Variants in CSMD1 observed in about 807,000 individuals in gnomAD.
The protein encoded by CSMD1 is CUB and sushi domain-containing protein 1.
In CSMD1, 213 loss-of-function variants were observed where a neutral mutation model predicts 417.5. That is an observed-to-expected ratio of 0.51 (90% CI 0.46 to 0.57). The LOEUF (loss-of-function observed/expected upper bound fraction) is 0.57, where lower values mean the gene tolerates loss of function less well. CSMD1 is among the 20% of genes least tolerant of loss of function. CSMD1 has a pLI of 0.00. For synonymous variants in CSMD1, 2,862 were observed against 1,736.8 expected (o/e 1.65, Z -16.11); for missense variants, 6,923 against 4,529.7 (o/e 1.53, Z -15.17).
intron 3 of CSMD1, among the ~76,000 whole-genome samples, chr8:4,348,625 A>T (rs77921227): frequency 1.5e-4 from 1 of 6,862 alleles, no homozygotes; most frequent in African/African-American, 6.2e-4. Context: ...TGGGGGAGGG[A>T]GGGGAGAGGG....
At chr8:4,445,450 T>A (rs763517460) in intron 2 of CSMD1, among the ~76,000 whole-genome samples, 2 of 152,228 alleles carry the variant, frequency 1.3e-5, no homozygotes, top group Non-Finnish European at 2.9e-5. Flanking sequence ...TCAAAATTTA[T>A]ACCCTCCAGT....
chr8:3,049,199 C>G (rs748322077), intron 50 of CSMD1, among the ~76,000 whole-genome samples: 5 of 152,098 alleles, frequency 3.3e-5, no homozygotes, highest in South Asian at 2.1e-4. Flanking sequence ...TAAAAATACT[C>G]TTACCATTCA....
chr8:4,480,059 G>T (rs147604294), intron 2 of CSMD1, among the ~76,000 whole-genome samples: 1 of 151,900 alleles, frequency 6.6e-6, no homozygotes, highest in South Asian at 2.1e-4. Flanking sequence ...ATGTGGTCGT[G>T]AGTTCTGTTA....
chr8:4,964,775 G>T (rs968522380), intron 1 of CSMD1, among the ~76,000 whole-genome samples: 1 of 152,118 alleles, frequency 6.6e-6, no homozygotes, highest in Non-Finnish European at 1.5e-5. Context: ...AACTCATTTT[G>T]TGAATGAAAT....
intron 2 of CSMD1, among the ~76,000 whole-genome samples, chr8:4,496,012 T>C (rs1801959948): frequency 6.6e-6 from 1 of 152,182 alleles, no homozygotes; most frequent in South Asian, 2.1e-4. Context: ...GTGTAATTCC[T>C]ACAGAGATAC....
In CSMD1 at chr8:4,904,802, A is replaced by G. The variant is rs538782415; in HGVS notation, c.85+89530T>C. 2.6e-5 allele frequency among the ~76,000 whole-genome samples: 4 copies of G among 152,320 alleles called. No homozygotes were observed. In the East Asian group the frequency reaches 7.7e-4, roughly 29 times the overall value. ...AGCAGTTATTTTGGACAGTTATAAT[A>G]ACATGAAACAGAAAGTCTGGCATGA... On this transcript the variant is annotated intron_variant, in intron 1 of 69. Transcript: ENST00000635120.
At chr8:4,986,018 C>G (rs888779984) in intron 1 of CSMD1, among the ~76,000 whole-genome samples, 1 of 152,228 alleles carries the variant, frequency 6.6e-6, no homozygotes, top group Admixed American at 6.5e-5. Context: ...CGATCATACT[C>G]TGCAATGCTC....
At position 3,214,537 on chromosome 8, in the gene CSMD1, A is replaced by T. The variant is rs750883376; in HGVS notation, c.4827T>A (p.Asp1609Glu). 6.2e-7 allele frequency: 1 copy of T among 1,600,076 alleles called. No homozygotes were observed. ...GCACTTGGTCCCAGGAGGGTTTCCC[A>T]TCAGCCCCAATCACACAGGTGATGG... Reference protein sequence around the residue: ...PSSITCVIGADGKPSWDQVLP... With the variant: ...PSSITCVIGAEGKPSWDQVLP... Residue 1609 changes from aspartate (D) to glutamate (E), a missense_variant, in exon 30 of 70, where the codon GAT (aspartate) becomes GAA (glutamate). Transcript: ENST00000635120.
intron 3 of CSMD1, among the ~76,000 whole-genome samples, chr8:4,389,153 T>A (rs771916691): frequency 3.3e-5 from 5 of 152,218 alleles, no homozygotes; most frequent in Non-Finnish European, 5.9e-5. Flanking sequence ...AAGCTTTTCA[T>A]TAATTTAAAA....
At chr8:3,807,756 A>G (rs1299639693) in intron 5 of CSMD1, among the ~76,000 whole-genome samples, 4 of 152,106 alleles carry the variant, frequency 2.6e-5, no homozygotes, top group African/African-American at 9.7e-5. Flanking sequence ...TTAGTCATCT[A>G]TTTTTAGTTC....
At chr8:4,796,355 G>A (rs896275379) in intron 1 of CSMD1, among the ~76,000 whole-genome samples, 1 of 152,090 alleles carries the variant, frequency 6.6e-6, no homozygotes, top group Non-Finnish European at 1.5e-5. Context: ...TCCTCAGCCA[G>A]ACCCAGCTTT....
At chr8:4,389,236 T>A (rs150460881) in intron 3 of CSMD1, among the ~76,000 whole-genome samples, 2 of 152,286 alleles carry the variant, frequency 1.3e-5, no homozygotes, top group African/African-American at 4.8e-5. Flanking sequence ...CTTTCTCTCC[T>A]CTTTGGGTCA....
intron 5 of CSMD1, among the ~76,000 whole-genome samples, chr8:3,974,469 A>C (rs1243167015): frequency 2.6e-5 from 4 of 152,062 alleles, no homozygotes; most frequent in Non-Finnish European, 5.9e-5. Context: ...GCTACTTATT[A>C]AAATGTATTA....
intron 11 of CSMD1, among the ~76,000 whole-genome samples, chr8:3,482,034 G>C (rs147536752): frequency 5.1e-4 from 77 of 152,058 alleles, no homozygotes; most frequent in Non-Finnish European, 9.9e-4. Context: ...AAACTACAAA[G>C]AAATACATGA....
At chr8:3,293,825 A>T (rs1424887164) in intron 25 of CSMD1, among the ~76,000 whole-genome samples, 1 of 152,116 alleles carries the variant, frequency 6.6e-6, no homozygotes, top group Non-Finnish European at 1.5e-5. Flanking sequence ...TCTTCTCTCA[A>T]CTTGTCAAAG....
chr8:4,536,691 AATGCCAGAATAAAAAGTTTTGAGTAT>A (rs1419362303), intron 2 of CSMD1, among the ~76,000 whole-genome samples: 1 of 152,294 alleles, frequency 6.6e-6, no homozygotes, highest in African/African-American at 2.4e-5. Context: ...TATTTGTACT[AATGCCAGAATAAAAAGTTTTGAGTAT>A]ATGCCACTTT....
At chr8:4,780,594 T>G (rs1797105666) in intron 1 of CSMD1, among the ~76,000 whole-genome samples, 1 of 150,428 alleles carries the variant, frequency 6.6e-6, no homozygotes, top group East Asian at 2.1e-4. Flanking sequence ...CATAAGTTAT[T>G]GGGGTACAGG....
Position 4,169,317 on chromosome 8 carries a change from G to C in CSMD1, c.416-137218C>G, listed in dbSNP as rs906403485. 2.6e-5 allele frequency among the ~76,000 whole-genome samples: 4 copies of C among 152,226 alleles called. No homozygotes were observed. In the East Asian group the frequency reaches 7.7e-4, roughly 29 times the overall value. On this transcript the variant is annotated intron_variant, in intron 3 of 69. Transcript: ENST00000635120. ...AACTCCTGATCCTTCCTCTAAAGCT[G>C]GTCCCTCCCATGTGCCTTCTTCCAT...
At chr8:3,747,298 A>G (rs1168547477) in intron 6 of CSMD1, among the ~76,000 whole-genome samples, 1 of 152,190 alleles carries the variant, frequency 6.6e-6, no homozygotes, top group Non-Finnish European at 1.5e-5. Flanking sequence ...TTCTCTAGGT[A>G]ATTTTATGTG....
Sources: allele counts gnomAD v4.1 joint callset (sites outside exome capture counted in the v4.1 genomes callset), GRCh38; gene constraint gnomAD v4.1.1; transcripts MANE v1.5; gene names NCBI Gene and HGNC (gene_info 2026-07-23, HGNC 2026-07-21).